GPC6: variants seen among roughly 807,000 people sequenced by gnomAD.
The protein encoded by GPC6 is glypican 6.
A neutral mutation model predicts 55.2 loss-of-function variants in GPC6; 14 were observed. The ratio of observed to expected loss-of-function variants is 0.25; its 90% CI spans 0.17 to 0.40. GPC6 has a LOEUF of 0.40. GPC6 is among the 10% of genes least tolerant of loss of function. The pLI is 1.00. For missense variants in GPC6, 641 were observed against 708.5 expected (o/e 0.90, Z 1.08); for synonymous variants, 278 against 259.6 (o/e 1.07, Z -0.68).
At chr13:94,209,472 C>T (rs1251628152) in intron 4 of GPC6, among the ~76,000 whole-genome samples, 2 of 152,172 alleles carry the variant, frequency 1.3e-5, no homozygotes, top group Non-Finnish European at 2.9e-5. Flanking sequence ...TATATTTAGT[C>T]AGTGTCATAT....
intron 1 of GPC6, among the ~76,000 whole-genome samples, chr13:93,280,622 TGGCCAGAAACCAAGCA>T (rs1182034323): frequency 1.3e-5 from 2 of 152,366 alleles, no homozygotes; most frequent in East Asian, 3.9e-4. Context: ...AGACCATTCA[TGGCCAGAAACCAAGCA>T]GGCCAGATAA....
chr13:93,231,397 G>GTA (rs71123471), intron 1 of GPC6, among the ~76,000 whole-genome samples: 4,090 of 43,978 alleles, frequency 0.093, 191 homozygotes, highest in Non-Finnish European at 0.11. Flanking sequence ...ATATATATAT[G>GTA]TATATATATA....
chr13:93,940,466 C>T (rs1417919441), intron 3 of GPC6, among the ~76,000 whole-genome samples: 1 of 151,340 alleles, frequency 6.6e-6, no homozygotes, highest in Non-Finnish European at 1.5e-5. Context: ...GAATATCAGA[C>T]ATAATGGATG....
chr13:94,127,150 A>G (rs1017661103), intron 4 of GPC6, among the ~76,000 whole-genome samples: 2 of 152,024 alleles, frequency 1.3e-5, no homozygotes, highest in Admixed American at 6.6e-5. Flanking sequence ...ATCACCCTGT[A>G]TTGTTCACTC....
chr13:94,008,749 T>C (rs1882122297), intron 3 of GPC6, among the ~76,000 whole-genome samples: 1 of 152,178 alleles, frequency 6.6e-6, no homozygotes, highest in South Asian at 2.1e-4. Flanking sequence ...TTATAAACAC[T>C]TTCAATGAAC....
At chr13:94,313,824 T>C (rs970869622) in intron 6 of GPC6, among the ~76,000 whole-genome samples, 4 of 152,298 alleles carry the variant, frequency 2.6e-5, no homozygotes, top group Admixed American at 1.3e-4. Flanking sequence ...CTCTGTATCA[T>C]AAAAAATGAA....
Position 93,745,111 on chromosome 13 carries a change from A to C in GPC6, c.320-85043A>C, listed in dbSNP as rs536807399. Reference sequence around the variant, plus strand: ...GAGTCCTCCATTTACATGCAAATCCAGCTCATTCCCTGGACAAACCCGATC... The same window carrying C: ...GAGTCCTCCATTTACATGCAAATCCCGCTCATTCCCTGGACAAACCCGATC... On this transcript the variant is annotated intron_variant, in intron 2 of 8. Coordinates refer to ENST00000377047, the MANE Select transcript of GPC6 (RefSeq NM_005708.5). 2.6e-5 allele frequency among the ~76,000 whole-genome samples: 4 copies of C among 152,164 alleles called. No homozygotes were observed. In the South Asian group the frequency reaches 8.3e-4, roughly 32 times the overall value.
chr13:94,240,895 G>T (rs1476866017), intron 4 of GPC6, among the ~76,000 whole-genome samples: 1 of 152,142 alleles, frequency 6.6e-6, no homozygotes. Flanking sequence ...ACAAGGGAAG[G>T]ACTTGACTAG....
chr13:93,609,345 G>A (rs1878368912), intron 2 of GPC6, among the ~76,000 whole-genome samples: 2 of 152,168 alleles, frequency 1.3e-5, no homozygotes, highest in African/African-American at 2.4e-5. Flanking sequence ...CTCCCAAGTA[G>A]CTGGGATTAC....
intron 3 of GPC6, among the ~76,000 whole-genome samples, chr13:93,913,786 G>A (rs965262033): frequency 7.2e-5 from 11 of 152,026 alleles, no homozygotes; most frequent in African/African-American, 2.7e-4. Flanking sequence ...ATTCACTATC[G>A]AAGGATTAAC....
intron 1 of GPC6, among the ~76,000 whole-genome samples, chr13:93,384,310 AC>A: frequency 6.6e-6 from 1 of 151,966 alleles, no homozygotes; most frequent in African/African-American, 2.4e-5. Context: ...GGGATCATGA[AC>A]TTTCTTTCTA....
chr13:93,956,929 G>A (rs992405564), intron 3 of GPC6, among the ~76,000 whole-genome samples: 4 of 152,102 alleles, frequency 2.6e-5, no homozygotes, highest in Non-Finnish European at 5.9e-5. Flanking sequence ...AAACAGCCGC[G>A]AACAGGAGAT....
Position 93,657,721 on chromosome 13 carries a change from C to A in GPC6, c.319+112300C>A, listed in dbSNP as rs1385244656. 2.6e-5 allele frequency among the ~76,000 whole-genome samples: 4 copies of A among 151,794 alleles called. No homozygotes were observed. The East Asian group carries it at 7.7e-4, about 29-fold the overall frequency. On this transcript the variant is annotated intron_variant, in intron 2 of 8. Coordinates refer to ENST00000377047, the MANE Select transcript of GPC6 (RefSeq NM_005708.5). ...AATGCACAAAACAAAGGTCTAATAT[C>A]CAGAATATATAAGGAACATAAACAA...
chr13:93,527,308 A>G (rs1881691149), intron 1 of GPC6, among the ~76,000 whole-genome samples: 1 of 152,096 alleles, frequency 6.6e-6, no homozygotes, highest in Non-Finnish European at 1.5e-5. Flanking sequence ...GTTCAAAAAC[A>G]TTACGTTCGA....
chr13:93,508,606 C>G (rs544367457), intron 1 of GPC6, among the ~76,000 whole-genome samples: 2 of 152,204 alleles, frequency 1.3e-5, no homozygotes, highest in African/African-American at 4.8e-5. Context: ...AAGGTTTACT[C>G]AGGCTACTGT....
At chr13:93,260,805 C>T (rs1400254896) in intron 1 of GPC6, among the ~76,000 whole-genome samples, 2 of 152,044 alleles carry the variant, frequency 1.3e-5, no homozygotes, top group African/African-American at 2.4e-5. Flanking sequence ...ATGTGCTTAG[C>T]AAACAGGGGC....
At chr13:94,011,625 G>C (rs1298035307) in intron 3 of GPC6, among the ~76,000 whole-genome samples, 1 of 152,134 alleles carries the variant, frequency 6.6e-6, no homozygotes, top group Admixed American at 6.6e-5. Flanking sequence ...AATCAGTCAA[G>C]AGTCCAAGGA....
At chr13:93,844,358 C>T (rs535854082) in intron 3 of GPC6, among the ~76,000 whole-genome samples, 7 of 152,192 alleles carry the variant, frequency 4.6e-5, no homozygotes, top group East Asian at 1.9e-4. Context: ...AGGATGGTCT[C>T]GATCTCTTGA....
intron 7 of GPC6, among the ~76,000 whole-genome samples, chr13:94,386,583 C>T (rs575954429): frequency 5.9e-5 from 9 of 152,106 alleles, no homozygotes; most frequent in Middle Eastern, 3.4e-3. Flanking sequence ...GAGTGAGATT[C>T]TATCTCTAAA....
Sources: allele counts gnomAD v4.1 joint callset (sites outside exome capture counted in the v4.1 genomes callset), GRCh38; gene constraint gnomAD v4.1.1; transcripts MANE v1.5; gene names NCBI Gene and HGNC (gene_info 2026-07-23, HGNC 2026-07-21).